Variants in MTA3 observed in about 807,000 individuals in gnomAD.
The protein encoded by MTA3 is metastasis-associated protein MTA3.
Under a neutral mutation model 83.5 loss-of-function variants are expected in MTA3, and 34 were observed. The ratio of observed to expected loss-of-function variants is 0.41; its 90% CI spans 0.31 to 0.54. MTA3 has a LOEUF of 0.54. Among genes scored for constraint, MTA3 ranks in the 20% least tolerant of loss-of-function variants. MTA3 has a pLI of 0.33. For synonymous variants in MTA3, 303 were observed against 252.7 expected (o/e 1.20, Z -1.89); for missense variants, 761 against 726.4 (o/e 1.05, Z -0.55).
At chr2:42,598,776 G>A (rs1020347186) in intron 3 of MTA3, among the ~76,000 whole-genome samples, 3 of 152,056 alleles carry the variant, frequency 2.0e-5, no homozygotes, top group African/African-American at 4.8e-5. Flanking sequence ...TTTTTGTAGC[G>A]ATTAAATGAA....
chr2:42,517,879 AAAG>A (rs1553336636), intron 2 of MTA3, among the ~76,000 whole-genome samples: 232 of 151,074 alleles, frequency 1.5e-3, no homozygotes, highest in Non-Finnish European at 2.7e-3. Flanking sequence ...AAAAAAAAAA[AAAG>A]AAGAAAAGAA....
At chr2:42,505,893 C>G (rs376186451) in intron 2 of MTA3, among the ~76,000 whole-genome samples, 2 of 151,598 alleles carry the variant, frequency 1.3e-5, no homozygotes, top group Admixed American at 1.3e-4. Flanking sequence ...CTCAGCCTCC[C>G]GAGTAGCTGG....
At chr2:42,595,832 G>C (rs1681728797) in intron 3 of MTA3, among the ~76,000 whole-genome samples, 1 of 152,142 alleles carries the variant, frequency 6.6e-6, no homozygotes, top group South Asian at 2.1e-4. Flanking sequence ...AATAGTAGGA[G>C]CTAACACATA....
chr2:42,708,771 T>C, intron 13 of MTA3, 103 bp from the exon 14 acceptor site: 1 of 1,209,576 alleles, frequency 8.3e-7, no homozygotes, highest in South Asian at 1.4e-5. Context: ...AGATGCTTCA[T>C]GAAAGATTTA....
chr2:42,532,963 A>G (rs898209053), intron 2 of MTA3: 11 of 206,810 alleles, frequency 5.3e-5, no homozygotes, highest in African/African-American at 2.6e-4. Context: ...TAATGTGCTC[A>G]ATATGCACAT....
At chr2:42,594,315 C>T (rs1344912218) in intron 3 of MTA3, among the ~76,000 whole-genome samples, 4 of 148,048 alleles carry the variant, frequency 2.7e-5, no homozygotes, top group East Asian at 2.0e-4. Context: ...GAGCTCATAG[C>T]AACCTCTGCC....
At chr2:42,618,644 G>C (rs887749756) in intron 4 of MTA3, among the ~76,000 whole-genome samples, 6 of 151,972 alleles carry the variant, frequency 3.9e-5, no homozygotes, top group African/African-American at 1.5e-4. Flanking sequence ...GTCTCGCTCT[G>C]TTGCCCAGGC....
In MTA3 at chr2:42,579,043, C is replaced by T. The variant is rs894551719; in HGVS notation, c.97-64C>T. Reference sequence around the variant, plus strand: ...CATATAATTGTGCTGTATCTAGTTTCGTTGTATAAATTATTTGACTCTAAT... The same window carrying T: ...CATATAATTGTGCTGTATCTAGTTTTGTTGTATAAATTATTTGACTCTAAT... On this transcript the variant is annotated intron_variant, in intron 2 of 16. Transcript: ENST00000405094. 24 of 1,085,992 alleles carry T rather than the reference C, an allele frequency of 2.2e-5. No homozygotes were observed. The African/African-American group carries it at 2.2e-4, about 10-fold the overall frequency. 67.3% of individuals were successfully genotyped at this position (1,085,992 alleles called of 1,614,324 possible). A position where few individuals can be genotyped will look rare whatever the true frequency, so the allele number is the denominator to read the frequency against.
intron 9 of MTA3, among the ~76,000 whole-genome samples, chr2:42,687,048 A>G (rs184900920): frequency 6.6e-6 from 1 of 151,980 alleles, no homozygotes; most frequent in African/African-American, 2.4e-5. Flanking sequence ...AATTGCTTGA[A>G]CCCAGGAGGC....
chr2:42,722,628 G>T (rs1253871022), intron 15 of MTA3, among the ~76,000 whole-genome samples: 1 of 152,112 alleles, frequency 6.6e-6, no homozygotes, highest in African/African-American at 2.4e-5. Flanking sequence ...ACCTTCTGAA[G>T]TGGCTTTTTG....
chr2:42,593,053 T>C (rs1272009642), intron 3 of MTA3, among the ~76,000 whole-genome samples: 3 of 151,746 alleles, frequency 2.0e-5, no homozygotes, highest in Non-Finnish European at 2.9e-5. Context: ...CTTGGGAGAC[T>C]GAGGCAGGAG....
chr2:42,716,217 G>C (rs1667018797), intron 14 of MTA3, among the ~76,000 whole-genome samples: 1 of 152,168 alleles, frequency 6.6e-6, no homozygotes, highest in Non-Finnish European at 1.5e-5. Context: ...ATTTATACTT[G>C]TCAGTGGTTG....
At chr2:42,643,223 A>G (rs1687865227) in intron 5 of MTA3, among the ~76,000 whole-genome samples, 1 of 151,658 alleles carries the variant, frequency 6.6e-6, no homozygotes, top group African/African-American at 2.4e-5. Context: ...ATTATCTTTT[A>G]TTTGCAGTTT....
chr2:42,711,796 G>GTGTGTGTGTGTGTC (rs1666644833), intron 14 of MTA3, among the ~76,000 whole-genome samples: 1 of 151,674 alleles, frequency 6.6e-6, no homozygotes, highest in Non-Finnish European at 1.5e-5. Flanking sequence ...GTGTGTGTGT[G>GTGTGTGTGTGTGTC]TGTGTGTGTG....
At chr2:42,606,252 C>T (rs1208822749) in intron 3 of MTA3, among the ~76,000 whole-genome samples, 3 of 148,428 alleles carry the variant, frequency 2.0e-5, no homozygotes, top group East Asian at 4.0e-4. Flanking sequence ...AGACTCTCCT[C>T]ACTTCCCAGA....
intron 4 of MTA3, among the ~76,000 whole-genome samples, chr2:42,616,496 T>C (rs927764251): frequency 4.0e-5 from 6 of 151,202 alleles, no homozygotes; most frequent in Admixed American, 1.3e-4. Context: ...TTGTATGGGG[T>C]TTACATTTAA....
chr2:42,727,752 A>G (rs1667931307), intron 16 of MTA3, among the ~76,000 whole-genome samples: 1 of 151,872 alleles, frequency 6.6e-6, no homozygotes, highest in South Asian at 2.1e-4. Context: ...TACAGATGAC[A>G]TTTGCCTTAC....
At position 42,695,745 on chromosome 2, in the gene MTA3, T is replaced by C. The variant is rs1693335944; in HGVS notation, c.892-20T>C. The C allele has an allele frequency of 7.0e-7, 1 of 1,428,796 alleles. No individual in the cohort carries two copies. The allele number at this position is 1,428,796 out of a possible 1,614,324, so 88.5% of individuals were successfully genotyped here. A position where few individuals can be genotyped will look rare whatever the true frequency, so the allele number is the denominator to read the frequency against. ...ATTATATGTTAACATAGATGATAGGTTGATTTTTTTTTTTTTCAGCTTCCT... is the reference window on the plus strand; with the variant it reads ...ATTATATGTTAACATAGATGATAGGCTGATTTTTTTTTTTTTCAGCTTCCT... On this transcript the variant is annotated intron_variant, in intron 9 of 16. Transcript: ENST00000405094.
intron 9 of MTA3, among the ~76,000 whole-genome samples, chr2:42,689,239 T>G (rs1692664178): frequency 1.3e-5 from 2 of 152,204 alleles, no homozygotes. Flanking sequence ...TCCCAGTATT[T>G]TGTTAAGGAT....
Sources: allele counts gnomAD v4.1 joint callset (sites outside exome capture counted in the v4.1 genomes callset), GRCh38; gene constraint gnomAD v4.1.1; transcripts MANE v1.5; gene names NCBI Gene and HGNC (gene_info 2026-07-23, HGNC 2026-07-21).